Variants in UNC80 observed in about 807,000 individuals in gnomAD.
UNC80 encodes the protein unc-80 subunit of NALCN channel complex.
In UNC80, 164 loss-of-function variants were observed where a neutral mutation model predicts 384.6. The ratio of observed to expected loss-of-function variants is 0.43; its 90% confidence interval spans 0.38 to 0.49. UNC80 has a LOEUF of 0.49. Among genes scored for constraint, UNC80 ranks in the 20% least tolerant of loss-of-function variants. UNC80 has a pLI of 0.00. For missense variants in UNC80, 3,330 were observed against 4,143.0 expected (o/e 0.80, Z 5.39); for synonymous variants, 1,486 against 1,527.8 (o/e 0.97, Z 0.64).
At chr2:209,817,262 T>C (rs1488555575) in intron 10 of UNC80, 137 bp downstream of exon 10, 1 of 719,702 alleles carries the variant, frequency 1.4e-6, no homozygotes, top group East Asian at 2.7e-5. Context: ...GGTTCTCCAG[T>C]ACCAAAATAA....
chr2:209,998,004 T>G lies in UNC80; in HGVS notation c.*2409T>G, dbSNP rs1239443619. ...AAGCTCAAGATAAATGTTCAAAATATTATTAAGTACATGACTAAAAGCTAA... is the reference window on the plus strand; with the variant it reads ...AAGCTCAAGATAAATGTTCAAAATAGTATTAAGTACATGACTAAAAGCTAA... On this transcript the variant is annotated 3_prime_UTR_variant, in exon 65 of 65. Transcript: ENST00000673920. 6.6e-6 allele frequency: 1 copy of G among 152,180 alleles called. No individual in the cohort carries two copies. Among genetic ancestry groups the G allele is most frequent in the Non-Finnish European group, 1.5e-5 (1 of 68,026 alleles). 9.4% of individuals were successfully genotyped at this position (152,180 alleles called of 1,614,324 possible).
intron 6 of UNC80, among the ~76,000 whole-genome samples, chr2:209,789,826 C>A (rs548554146): frequency 6.6e-6 from 1 of 151,800 alleles, no homozygotes; most frequent in East Asian, 1.9e-4. Flanking sequence ...AGACCATATA[C>A]GACTAGTATT....
chr2:209,850,591 G>T (rs2082458032), intron 22 of UNC80, among the ~76,000 whole-genome samples: 1 of 152,110 alleles, frequency 6.6e-6, no homozygotes. Flanking sequence ...GACCAGCAAG[G>T]TATGTGGCTT....
intron 45 of UNC80, 48 bp from the exon 46 acceptor site, chr2:209,945,003 T>C (rs2091844346): frequency 6.5e-7 from 1 of 1,541,506 alleles, no homozygotes; most frequent in Non-Finnish European, 8.8e-7. Flanking sequence ...CAAGTTATAG[T>C]TTTACTGTGG....
At chr2:209,785,652 C>A (rs1315923155) in intron 4 of UNC80, among the ~76,000 whole-genome samples, 1 of 152,012 alleles carries the variant, frequency 6.6e-6, no homozygotes, top group East Asian at 1.9e-4. Flanking sequence ...TCAAAATAGC[C>A]AGTATCTGAG....
chr2:209,855,742 A>C (rs1483543261), intron 22 of UNC80, among the ~76,000 whole-genome samples: 2 of 152,076 alleles, frequency 1.3e-5, no homozygotes, highest in African/African-American at 4.8e-5. Context: ...AAATTAACTT[A>C]TAGGAAGTCA....
At position 209,785,958 on chromosome 2, in the gene UNC80, TC is replaced by T. The variant is rs1287444264; in HGVS notation, c.601-107del. On this transcript the variant is annotated intron_variant, in intron 4 of 64. Transcript: ENST00000673920. The stretch of plus-strand genomic sequence containing the variant: ...ATGAGAGAAGGTTTGGCAGATAAAT[TC>T]ACTCTGAAAATAACCTTGTGAGTGA... 3 of 1,279,922 alleles carry T rather than the reference TC, an allele frequency of 2.3e-6. No homozygotes were observed. In the African/African-American group the frequency reaches 4.5e-5, roughly 19 times the overall value. The allele number at this position is 1,279,922 out of a possible 1,614,324, so 79.3% of individuals were successfully genotyped here.
chr2:209,965,344 G>A (rs1312914904), intron 51 of UNC80, among the ~76,000 whole-genome samples: 1 of 152,168 alleles, frequency 6.6e-6, no homozygotes, highest in Non-Finnish European at 1.5e-5. Flanking sequence ...GGCTGAGGTT[G>A]AGAGATGGGT....
chr2:209,965,399 T>C (rs1363960956), intron 51 of UNC80, among the ~76,000 whole-genome samples: 2 of 152,114 alleles, frequency 1.3e-5, no homozygotes, highest in African/African-American at 2.4e-5. Flanking sequence ...TTTTTATATG[T>C]TTGAGATTTT....
intron 14 of UNC80, 132 bp from the exon 15 acceptor site, chr2:209,829,100 C>A: frequency 1.0e-6 from 1 of 987,226 alleles, no homozygotes; most frequent in Non-Finnish European, 1.5e-6. Flanking sequence ...GAGGGGCTAG[C>A]AGGGTTGCCT....
At chr2:209,868,793 T>TA (rs755086768) in intron 22 of UNC80, among the ~76,000 whole-genome samples, 30 of 152,176 alleles carry the variant, frequency 2.0e-4, no homozygotes, top group Non-Finnish European at 3.4e-4. Context: ...AAATTGCTGA[T>TA]ACGACTATTT....
chr2:209,802,230 C>T (rs1470884842), intron 7 of UNC80, among the ~76,000 whole-genome samples: 2 of 152,056 alleles, frequency 1.3e-5, no homozygotes, highest in Non-Finnish European at 2.9e-5. Context: ...CTTTAGTGAT[C>T]TGTTGCACAG....
chr2:209,881,323 T>C (rs1353157218), intron 25 of UNC80, among the ~76,000 whole-genome samples: 2 of 152,204 alleles, frequency 1.3e-5, no homozygotes, highest in African/African-American at 4.8e-5. Flanking sequence ...TCCTACTGGA[T>C]ACAATGTTTA....
In UNC80 at chr2:209,840,642, C is replaced by A; in HGVS notation, c.3351C>A (p.Ser1117Arg). Residue 1117 changes from serine to arginine, a missense_variant, in exon 20 of 65, where the codon AGC becomes AGA. Around this residue, in one of 8 missense-constraint regions of UNC80, gnomAD observed 801 missense variants for 950.8 expected, o/e 0.84. Transcript: ENST00000673920. Reference sequence around the variant, plus strand: ...ACCGACTCTCTTTCATCAGGCAAAGCTCCAAGGTAAACAGGACATAACTTG... The same window carrying A: ...ACCGACTCTCTTTCATCAGGCAAAGATCCAAGGTAAACAGGACATAACTTG... ...SVDRLSFIRQSSKVKFTSAVK... is the reference protein window; with the variant it reads ...SVDRLSFIRQRSKVKFTSAVK... The A allele has an allele frequency of 6.4e-7, 1 of 1,551,798 alleles. No individual in the cohort carries two copies. The highest frequency in any genetic ancestry group is 1.2e-5 in the South Asian group (1 of 84,046).
At chr2:209,849,044 A>T (rs2082345583) in intron 21 of UNC80, among the ~76,000 whole-genome samples, 1 of 152,148 alleles carries the variant, frequency 6.6e-6, no homozygotes, top group African/African-American at 2.4e-5. Flanking sequence ...ATTATACACA[A>T]TGCTGTACCA....
rs991342323 is a variant in UNC80, at chr2:209,814,376, C to G, written c.1200+535C>G. ...TCAGCCTCCTGAGTAGCTGGGACTG[C>G]AGGACTACAGGCGCCCGCCACCACA... On this transcript the variant is annotated intron_variant, in intron 8 of 64. Coordinates refer to ENST00000673920, the MANE Select transcript of UNC80 (RefSeq NM_001371986.1). Among the ~76,000 whole-genome samples the G allele has an allele frequency of 7.2e-5, 11 of 152,126 alleles. No individual in the cohort carries two copies. In the Middle Eastern group the frequency reaches 0.01, roughly 142 times the overall value.
chr2:209,993,975 C>A, intron 63 of UNC80, 90 bp from the exon 64 acceptor site: 1 of 1,145,196 alleles, frequency 8.7e-7, no homozygotes, highest in South Asian at 1.8e-5. Flanking sequence ...AAAAAATCCC[C>A]AGGAGACACT....
chr2:209,818,197 C>G (rs962309983), intron 11 of UNC80, among the ~76,000 whole-genome samples: 1 of 152,146 alleles, frequency 6.6e-6, no homozygotes, highest in African/African-American at 2.4e-5. Context: ...TATTTCTTTT[C>G]AAAAGCTCAT....
intron 7 of UNC80, among the ~76,000 whole-genome samples, chr2:209,798,803 G>C (rs1245780008): frequency 6.7e-6 from 1 of 149,002 alleles, no homozygotes; most frequent in African/African-American, 2.5e-5. Flanking sequence ...TCAGCCTGCC[G>C]AGTAGCTGGG....
Sources: gnomAD v4.1 joint callset for allele counts (sites outside exome capture counted in the v4.1 genomes callset) on GRCh38, gnomAD v4.1.1 for gene constraint, gnomAD v4.1.1 regional missense constraint, MANE v1.5 for transcripts, NCBI Gene and HGNC (gene_info 2026-07-23, HGNC 2026-07-21) for gene names.